PNPLA7: variants seen among roughly 807,000 people sequenced by gnomAD.
PNPLA7 encodes patatin like domain 7, lysophospholipase, also known as patatin-like phospholipase domain-containing protein 7.
A neutral mutation model predicts 161.7 loss-of-function variants in PNPLA7; 153 were observed. That is an observed-to-expected ratio of 0.95 (90% CI 0.83 to 1.08). PNPLA7 has a LOEUF of 1.08. Among genes scored for constraint, PNPLA7 ranks in the 50% least tolerant of loss-of-function variants. The pLI is 0.00. For synonymous variants in PNPLA7, 809 were observed against 782.1 expected (o/e 1.03, Z -0.57); for missense variants, 1,739 against 1,856.6 (o/e 0.94, Z 1.16).
In PNPLA7 at chr9:137,543,364, C is replaced by T; in HGVS notation, c.506+68G>A. The T allele has an allele frequency of 6.3e-7, 1 of 1,594,886 alleles. No homozygotes were observed. The highest frequency in any genetic ancestry group is 8.6e-7 in the Non-Finnish European group (1 of 1,165,768). Reference sequence around the variant, plus strand: ...CAACACAAGACGGCCAAGCTGGAGCCAGGCCCCAGCGAGAAGCCCGGGGCT... The same window carrying T: ...CAACACAAGACGGCCAAGCTGGAGCTAGGCCCCAGCGAGAAGCCCGGGGCT... On this transcript the variant is annotated intron_variant, in intron 6 of 34. Coordinates refer to ENST00000406427, the MANE Select transcript of PNPLA7 (RefSeq NM_001098537.3). This position sits in a 1 kb window ranked among gnomAD's most constrained non-coding sequence, Gnocchi z 6.9.
Position 137,543,578 on chromosome 9 carries a change from A to C in PNPLA7, c.366-6T>G. On this transcript the variant is annotated splice_polypyrimidine_tract_variant and splice_region_variant and intron_variant, in intron 5 of 34. Transcript: ENST00000406427. This position sits in a 1 kb window ranked among gnomAD's most constrained non-coding sequence, Gnocchi z 6.9. ...CCTTCTTGAAACGCAGAATCCTACA[A>C]GGCAGAGACACACTAGCCTTGAGCA... 1 of 1,610,252 alleles carries C rather than the reference A, an allele frequency of 6.2e-7. No homozygotes were observed. Among genetic ancestry groups the C allele is most frequent in the Non-Finnish European group, 8.5e-7 (1 of 1,178,064 alleles).
chr9:137,481,973 C>A (rs775541148), intron 21 of PNPLA7, among the ~76,000 whole-genome samples: 4 of 152,190 alleles, frequency 2.6e-5, no homozygotes, highest in Non-Finnish European at 4.4e-5. Context: ...CAATGTGTCT[C>A]GTGCCTTAAC....
At chr9:137,530,961 C>T (rs1835552055) in intron 8 of PNPLA7, among the ~76,000 whole-genome samples, 1 of 152,184 alleles carries the variant, frequency 6.6e-6, no homozygotes, top group Non-Finnish European at 1.5e-5. Context: ...AGGCCTGCTG[C>T]GGGCCCCGCA....
At chr9:137,471,254 T>C (rs909002035) in intron 25 of PNPLA7, among the ~76,000 whole-genome samples, 10 of 152,240 alleles carry the variant, frequency 6.6e-5, no homozygotes, top group Admixed American at 4.6e-4. Context: ...TTTATAAATA[T>C]CAATTGTATT....
chr9:137,533,114 C>T (rs1453267534), intron 8 of PNPLA7, among the ~76,000 whole-genome samples: 2 of 151,496 alleles, frequency 1.3e-5, no homozygotes, highest in Non-Finnish European at 2.9e-5. Flanking sequence ...GACGGGAGCA[C>T]CCCTAGACTC....
chr9:137,515,213 C>G (rs371689080), intron 12 of PNPLA7, among the ~76,000 whole-genome samples, 166 bp downstream of exon 12: 2 of 152,090 alleles, frequency 1.3e-5, no homozygotes, highest in African/African-American at 2.4e-5. Context: ...CACCAAGCCT[C>G]GACCCTAGAG....
At chr9:137,516,640 C>G (rs1023225948) in intron 11 of PNPLA7, 1 of 473,308 alleles carries the variant, frequency 2.1e-6, no homozygotes, top group South Asian at 9.1e-5. Flanking sequence ...AAGATGCCAT[C>G]TTTACAAAAA....
At chr9:137,521,576 G>T in intron 10 of PNPLA7, 60 bp downstream of exon 10, 1 of 1,562,726 alleles carries the variant, frequency 6.4e-7, no homozygotes, top group Non-Finnish European at 8.8e-7. Context: ...CCAACCAATA[G>T]CTGTCCCGAT....
rs868502718 is a variant in PNPLA7, at chr9:137,524,353, G to A, written c.748-1496C>T. Among the ~76,000 whole-genome samples, 9 of 152,076 alleles carry A rather than the reference G, an allele frequency of 5.9e-5. No homozygotes were observed. Among genetic ancestry groups the A allele is most frequent in the Non-Finnish European group, 8.8e-5 (6 of 67,956 alleles). ...CATTCAGCAGTCGAGATTCCCCCAC[G>A]GTGGCGCGTCTGCCAGAGGCCTGTG... is the stretch of plus-strand genomic sequence containing the variant. On this transcript the variant is annotated intron_variant, in intron 8 of 34. Coordinates refer to ENST00000406427, the MANE Select transcript of PNPLA7 (RefSeq NM_001098537.3). This position sits in a 1 kb window ranked among gnomAD's most constrained non-coding sequence, Gnocchi z 4.4.
At position 137,520,291 on chromosome 9, in the gene PNPLA7, A is replaced by C. The variant is rs1261269174; in HGVS notation, c.958-248T>G. ...TTCAGGCAATGGAAAGAGGCCGATC[A>C]TCAACCCAGAAATCCAGTTATTCAA... On this transcript the variant is annotated intron_variant, in intron 10 of 34. Coordinates refer to ENST00000406427, the MANE Select transcript of PNPLA7 (RefSeq NM_001098537.3). The surrounding 1 kb of genome is among the most constrained non-coding windows in gnomAD (Gnocchi z 5.2). 6.6e-6 allele frequency among the ~76,000 whole-genome samples: 1 copy of C among 152,176 alleles called. No individual in the cohort carries two copies. The highest frequency in any genetic ancestry group is 1.5e-5 in the Non-Finnish European group (1 of 68,028).
chr9:137,478,840 C>T (rs1264807828), intron 24 of PNPLA7: 15 of 639,786 alleles, frequency 2.3e-5, no homozygotes, highest in South Asian at 2.6e-5. Context: ...CCGCCCTGTG[C>T]CTGCCCCCAC....
Position 137,486,733 on chromosome 9 carries a change from T to C in PNPLA7, c.2198-1997A>G, listed in dbSNP as rs1832504220. 6.6e-6 allele frequency among the ~76,000 whole-genome samples: 1 copy of C among 152,134 alleles called. No individual in the cohort carries two copies. The highest frequency in any genetic ancestry group is 6.5e-5 in the Admixed American group (1 of 15,276). On this transcript the variant is annotated intron_variant, in intron 20 of 34. Transcript: ENST00000406427. This position sits in a 1 kb window ranked among gnomAD's most constrained non-coding sequence, Gnocchi z 6.0. ...CCTTGGGGTGGCTTCAGCCGCCTGC[T>C]TGAGAGGACGCTCTGTGCACAGTGG...
At chr9:137,507,378 A>T (rs1036338693) in intron 12 of PNPLA7, among the ~76,000 whole-genome samples, 2 of 152,262 alleles carry the variant, frequency 1.3e-5, no homozygotes, top group African/African-American at 4.8e-5. Context: ...TACGTCAACA[A>T]GCATGTAGCT....
At chr9:137,519,845 A>G in intron 11 of PNPLA7, 72 bp downstream of exon 11, 1 of 1,548,288 alleles carries the variant, frequency 6.5e-7, no homozygotes. Context: ...ACCTGGGGTG[A>G]CCTGAGGCAG....
At chr9:137,504,773 T>C (rs569077183) in intron 14 of PNPLA7, among the ~76,000 whole-genome samples, 1 of 151,970 alleles carries the variant, frequency 6.6e-6, no homozygotes, top group South Asian at 2.1e-4. Context: ...AGACAGAAAA[T>C]AACTGGGGGA....
rs998133779 is a variant in PNPLA7, at chr9:137,541,555, A to G, written c.667-833T>C. The G allele has an allele frequency of 2.1e-6, 2 of 948,826 alleles. No homozygotes were observed. Among genetic ancestry groups the G allele is most frequent in the African/African-American group, 3.5e-5 (2 of 56,518 alleles). The allele number at this position is 948,826 out of a possible 1,614,324, so 58.8% of individuals were successfully genotyped here. A position where few individuals can be genotyped will look rare whatever the true frequency, so the allele number is the denominator to read the frequency against. ...CTGCAGGTCAGGGTGATGATCACAC[A>G]AAGCCCAGGGTTTGCTGAGTGCGTG... is the stretch of plus-strand genomic sequence containing the variant. On this transcript the variant is annotated intron_variant, in intron 7 of 34. Coordinates refer to ENST00000406427, the MANE Select transcript of PNPLA7 (RefSeq NM_001098537.3). This position sits in a 1 kb window ranked among gnomAD's most constrained non-coding sequence, Gnocchi z 4.4.
chr9:137,542,578 G>A (rs574143244), intron 7 of PNPLA7, 64 bp downstream of exon 7: 59 of 1,417,270 alleles, frequency 4.2e-5, no homozygotes, highest in Non-Finnish European at 5.0e-5. Flanking sequence ...TTTACAGCCC[G>A]AGAAGACAGA....
At chr9:137,502,193 C>G (rs373631795) in intron 14 of PNPLA7, among the ~76,000 whole-genome samples, 31 of 152,144 alleles carry the variant, frequency 2.0e-4, no homozygotes, top group African/African-American at 6.8e-4. Context: ...ACCCAGAAGG[C>G]AGAGGTTGCA....
rs1833257245 is a variant in PNPLA7, at chr9:137,499,439, G to A, written c.1758-1194C>T. On this transcript the variant is annotated intron_variant, in intron 16 of 34. Transcript: ENST00000406427. This position sits in a 1 kb window ranked among gnomAD's most constrained non-coding sequence, Gnocchi z 5.5. ...TCTGCCCTGGGTGGTTCCTGTCCCT[G>A]CTCTTCGCCATCCGTCCTGATCTCC... Among the ~76,000 whole-genome samples the A allele has an allele frequency of 6.6e-6, 1 of 152,224 alleles. No individual in the cohort carries two copies. Among genetic ancestry groups the A allele is most frequent in the Admixed American group, 6.5e-5 (1 of 15,282 alleles).
Sources: allele counts gnomAD v4.1 joint callset (sites outside exome capture counted in the v4.1 genomes callset), GRCh38; gene constraint gnomAD v4.1.1; non-coding constraint Gnocchi (gnomAD v3.1); transcripts MANE v1.5; gene names NCBI Gene and HGNC (gene_info 2026-07-23, HGNC 2026-07-21).